The following MLXIPL variants were observed in gnomAD, a reference collection of about 807,000 sequenced individuals.
MLXIPL encodes the protein MLX interacting protein like.
Under a neutral mutation model 81.5 loss-of-function variants are expected in MLXIPL, and 49 were observed. The ratio of observed to expected loss-of-function variants is 0.60; its 90% confidence interval spans 0.48 to 0.76. MLXIPL has a LOEUF of 0.76. Among genes scored for constraint, MLXIPL ranks in the 30% least tolerant of loss-of-function variants. The pLI, the probability that MLXIPL is intolerant of heterozygous loss-of-function variation, is 0.00. For missense variants in MLXIPL, 1,053 were observed against 1,167.0 expected, an observed-to-expected ratio of 0.90 and a Z score of 1.42; for synonymous variants, 466 against 485.5, an observed-to-expected ratio of 0.96 and a Z score of 0.53.
At position 73,593,723 on chromosome 7, in the gene MLXIPL, C is replaced by T; in HGVS notation, c.*142G>A. ...CCTCCAGGAGGTGGCAAGTGTGAAACCTGGACCCTGCTCCACCCCCCAGGG... is the reference window on the plus strand; with the variant it reads ...CCTCCAGGAGGTGGCAAGTGTGAAATCTGGACCCTGCTCCACCCCCCAGGG... On this transcript the variant is annotated 3_prime_UTR_variant, in exon 17 of 17. Coordinates refer to ENST00000313375, the MANE Select transcript of MLXIPL (RefSeq NM_032951.3). The T allele has an allele frequency of 1.3e-6, 1 of 775,062 alleles. No homozygotes were observed. 48.0% of individuals were successfully genotyped at this position (775,062 alleles called of 1,614,324 possible). A position where few individuals can be genotyped will look rare whatever the true frequency, so the allele number is the denominator to read the frequency against.
intron 1 of MLXIPL, 21 bp downstream of exon 1, chr7:73,624,179 A>G: frequency 1.6e-6 from 2 of 1,251,574 alleles, no homozygotes. Flanking sequence ...CAAGGCCGTC[A>G]GGGCCCGGAA....
chr7:73,622,424 G>A (rs1361985200), intron 1 of MLXIPL, among the ~76,000 whole-genome samples: 1 of 151,930 alleles, frequency 6.6e-6, no homozygotes, highest in Non-Finnish European at 1.5e-5. Flanking sequence ...GGAAGGCAGA[G>A]GTTGCAGTGA....
intron 7 of MLXIPL, among the ~76,000 whole-genome samples, chr7:73,603,335 C>T (rs1189388420): frequency 1.3e-5 from 2 of 152,240 alleles, no homozygotes; most frequent in African/African-American, 4.8e-5. Context: ...GACATCGCCT[C>T]CTAGCCCCAG....
At chr7:73,629,910 C>A in the MLXIPL span, among the ~76,000 whole-genome samples, 1 of 152,060 alleles carries the variant, frequency 6.6e-6, no homozygotes, top group Non-Finnish European at 1.5e-5. Flanking sequence ...CTTTATGGAG[C>A]ACTTACCACC....
In MLXIPL at chr7:73,597,632, G is replaced by A. The variant is rs1355050653; in HGVS notation, c.1153C>T (p.Arg385Trp). ...DFLLPEDPKP[R>W]LPPPPVPPPL... is the part of the protein sequence containing the mutation. ...GGGGGTACAGGAGGGGGTGGGAGCC[G>A]GGGCTTGGGGTCTTCAGGAAGGAGG... The change falls in exon 9 of 17, where the codon CGG becomes TGG. Residue 385 changes from arginine (R) to tryptophan (W), a missense_variant. Coordinates refer to ENST00000313375, the MANE Select transcript of MLXIPL (RefSeq NM_032951.3). The A allele has an allele frequency of 8.7e-6, 12 of 1,376,732 alleles. No homozygotes were observed. Among genetic ancestry groups the A allele is most frequent in the East Asian group, 8.0e-5 (3 of 37,488 alleles). 85.3% of individuals were successfully genotyped at this position (1,376,732 alleles called of 1,614,324 possible).
chr7:73,643,817 C>G, the MLXIPL span, among the ~76,000 whole-genome samples: 1 of 152,156 alleles, frequency 6.6e-6, no homozygotes, highest in African/African-American at 2.4e-5. Flanking sequence ...GCTTAGACTT[C>G]AGTGCAGCGG....
At chr7:73,621,767 CCCTCTCTCCCTT>C (rs1401273335) in intron 1 of MLXIPL, among the ~76,000 whole-genome samples, 1 of 94,874 alleles carries the variant, frequency 1.1e-5, no homozygotes. Flanking sequence ...CTCCCTTCCT[CCCTCTCTCCCTT>C]CCTCCCTCCC....
chr7:73,593,960 G>A lies in MLXIPL; in HGVS notation c.2464C>T (p.Leu822=), dbSNP rs1794051518. 4.3e-6 allele frequency: 7 copies of A among 1,614,128 alleles called. No individual in the cohort carries two copies. Among genetic ancestry groups the A allele is most frequent in the African/African-American group, 2.7e-5 (2 of 75,040 alleles). The part of the protein sequence containing the change: ...RPTVLNSLRQ[L]GTSTSILTDP... The stretch of plus-strand genomic sequence containing the variant: ...GTCAGGATACTGGTAGATGTGCCCA[G>A]CTGGCGTAGGGAGTTCAGGACAGCT... Residue 822 remains leucine, a synonymous_variant, in exon 17 of 17, where the codon CTG becomes TTG. Coordinates refer to ENST00000313375, the MANE Select transcript of MLXIPL (RefSeq NM_032951.3).
chr7:73,615,998 T>C (rs572632517), intron 2 of MLXIPL, 73 bp downstream of exon 2: 60 of 1,241,582 alleles, frequency 4.8e-5, no homozygotes, highest in Non-Finnish European at 6.7e-5. Context: ...GCAGCCACCA[T>C]GTAGAACCCT....
the MLXIPL span, among the ~76,000 whole-genome samples, chr7:73,639,238 C>T: frequency 2.0e-5 from 3 of 152,188 alleles, no homozygotes; most frequent in African/African-American, 4.8e-5. Context: ...TTTTCCTAAT[C>T]TGTGGATGAT....
At chr7:73,639,453 A>G in the MLXIPL span, among the ~76,000 whole-genome samples, 1 of 152,202 alleles carries the variant, frequency 6.6e-6, no homozygotes, top group Non-Finnish European at 1.5e-5. Context: ...CTATAGGGAA[A>G]TACTATGCAG....
rs782751502 is a variant in MLXIPL, at chr7:73,596,004, T to C, written c.2059-35A>G. Reference sequence around the variant, plus strand: ...CCACCAGGGGGGCTCAGGCAGGTGCTAGAGGCTGTACCCTGGGACCCACTG... The same window carrying C: ...CCACCAGGGGGGCTCAGGCAGGTGCCAGAGGCTGTACCCTGGGACCCACTG... On this transcript the variant is annotated intron_variant, in intron 13 of 16. Coordinates refer to ENST00000313375, the MANE Select transcript of MLXIPL (RefSeq NM_032951.3). The surrounding 1 kb of genome is among the most constrained non-coding windows in gnomAD (Gnocchi z 4.7). 1.2e-6 allele frequency: 2 copies of C among 1,610,320 alleles called. No homozygotes were observed. Among genetic ancestry groups the C allele is most frequent in the Non-Finnish European group, 1.7e-6 (2 of 1,179,826 alleles).
rs1370246911 is a variant in MLXIPL, at chr7:73,596,778, G to C, written c.1683C>G (p.Val561=). 1.2e-6 allele frequency: 2 copies of C among 1,605,492 alleles called. No individual in the cohort carries two copies. Among genetic ancestry groups the C allele is most frequent in the Admixed American group, 1.7e-5 (1 of 58,648 alleles). ...LRSPGSPQET[V]PEFPCTFLPP... is the part of the protein sequence containing the mutation. ...GAAGGAATGTGCAGGGGAATTCAGG[G>C]ACTGTCTCCTGCTGGGGTGGAGAAG... is the stretch of plus-strand genomic sequence containing the variant. The change falls in exon 11 of 17, where the codon GTC becomes GTG. Residue 561 remains valine (V), a synonymous_variant. Transcript: ENST00000313375. The surrounding 1 kb of genome is among the most constrained non-coding windows in gnomAD (Gnocchi z 4.7).
chr7:73,640,256 T>C, the MLXIPL span, among the ~76,000 whole-genome samples: 1 of 149,456 alleles, frequency 6.7e-6, no homozygotes, highest in East Asian at 2.0e-4. Flanking sequence ...AATAGCAAAA[T>C]TAGCCAGGTG....
Position 73,607,617 on chromosome 7 carries a change from A to C in MLXIPL, c.456T>G (p.Pro152=), listed in dbSNP as rs782413731. ...VCGFVTPLQG[P]EADAHRKPEA... is the part of the protein sequence containing the mutation. ...CCGGCTTCCGGTGCGCATCAGCCTC[A>C]GGCCCCTGCAGGGGGGTCACGAAGC... The change falls in exon 3 of 17, where the codon CCT becomes CCG. Residue 152 remains proline (P), a synonymous_variant. Coordinates refer to ENST00000313375, the MANE Select transcript of MLXIPL (RefSeq NM_032951.3). 2 of 1,613,290 alleles carry C rather than the reference A, an allele frequency of 1.2e-6. No homozygotes were observed. The highest frequency in any genetic ancestry group is 4.5e-5 in the East Asian group (2 of 44,854).
chr7:73,630,675 A>G, the MLXIPL span, among the ~76,000 whole-genome samples: 3 of 152,354 alleles, frequency 2.0e-5, no homozygotes, highest in African/African-American at 7.2e-5. Flanking sequence ...ACTGGGATTC[A>G]AACGCAGACA....
intron 7 of MLXIPL, among the ~76,000 whole-genome samples, chr7:73,604,123 C>A (rs1185842158): frequency 7.7e-6 from 1 of 129,822 alleles, no homozygotes; most frequent in African/African-American, 2.9e-5. Flanking sequence ...GGCTGAGGCA[C>A]AAGAATCGCT....
chr7:73,614,395 C>G (rs549740743), intron 2 of MLXIPL, among the ~76,000 whole-genome samples: 1 of 152,262 alleles, frequency 6.6e-6, no homozygotes, highest in East Asian at 1.9e-4. Flanking sequence ...AACCTATCTC[C>G]CAGGGTTGCT....
Position 73,593,794 on chromosome 7 carries a change from G to T in MLXIPL, c.*71C>A, listed in dbSNP as rs1794036258. On this transcript the variant is annotated 3_prime_UTR_variant, in exon 17 of 17. Transcript: ENST00000313375. ...GGGCAGGAAGGGAGTGCCCAGAGAT[G>T]ATCCCTGGAGCCCGTGCCCAGGGAA... 5.4e-6 allele frequency: 7 copies of T among 1,304,180 alleles called. No homozygotes were observed. The highest frequency in any genetic ancestry group is 4.6e-5 in the East Asian group (2 of 43,414). 80.8% of individuals were successfully genotyped at this position (1,304,180 alleles called of 1,614,324 possible). A position where few individuals can be genotyped will look rare whatever the true frequency, so the allele number is the denominator to read the frequency against.
Sources: gnomAD v4.1 joint callset for allele counts (sites outside exome capture counted in the v4.1 genomes callset) on GRCh38, gnomAD v4.1.1 for gene constraint, Gnocchi (gnomAD v3.1) non-coding constraint, MANE v1.5 for transcripts, NCBI Gene and HGNC (gene_info 2026-07-23, HGNC 2026-07-21) for gene names.